KCNQ1: variants seen among roughly 807,000 people sequenced by gnomAD.
KCNQ1 encodes the protein potassium voltage-gated channel subfamily KQT member 1.
Under a neutral mutation model 72.4 loss-of-function variants are expected in KCNQ1, and 49 were observed. That is an observed-to-expected ratio of 0.68 (90% CI 0.54 to 0.86). The LOEUF is 0.86. Ranked by LOEUF, KCNQ1 falls within the 40% of genes least tolerant of loss-of-function variation. The pLI is 0.00. For missense variants in KCNQ1, 790 were observed against 945.1 expected (o/e 0.84, Z 2.15); for synonymous variants, 450 against 412.6 (o/e 1.09, Z -1.10).
At chr11:2,820,045 G>A (rs933858550) in intron 15 of KCNQ1, among the ~76,000 whole-genome samples, 2 of 151,830 alleles carry the variant, frequency 1.3e-5, no homozygotes, top group Non-Finnish European at 1.5e-5. Flanking sequence ...TGGTTTTATT[G>A]GTCAATTCTT....
intron 1 of KCNQ1, among the ~76,000 whole-genome samples, chr11:2,472,627 T>G (rs1367248226): frequency 6.8e-6 from 1 of 148,100 alleles, no homozygotes; most frequent in Non-Finnish European, 1.5e-5. Context: ...ATGCGGGGCT[T>G]TCTGAGTCAC....
At chr11:2,655,218 G>A (rs773678858) in intron 10 of KCNQ1, 41 of 398,614 alleles carry the variant, frequency 1.0e-4, no homozygotes, top group Admixed American at 4.8e-4. Context: ...TGGGGTAGTC[G>A]CCACGCCCGA....
chr11:2,602,847 T>C lies in KCNQ1; in HGVS notation c.1393+13993T>C, dbSNP rs1848826623. On this transcript the variant is annotated intron_variant, in intron 10 of 15. Coordinates refer to ENST00000155840, the MANE Select transcript of KCNQ1 (RefSeq NM_000218.3). The surrounding 1 kb of genome is among the most constrained non-coding windows in gnomAD (Gnocchi z 4.8). ...TCTTAAGTCAGAAACAGGGTGCAAA[T>C]ATTTATTCATTGTAGCTTTCATTGT... 1.3e-5 allele frequency among the ~76,000 whole-genome samples: 2 copies of C among 152,240 alleles called. No individual in the cohort carries two copies. The highest frequency in any genetic ancestry group is 4.1e-4 in the South Asian group (2 of 4,836).
chr11:2,505,114 C>T (rs922568506), intron 1 of KCNQ1, among the ~76,000 whole-genome samples: 6 of 151,396 alleles, frequency 4.0e-5, no homozygotes, highest in South Asian at 2.1e-4. Context: ...AGGTTTGTTA[C>T]GTAGGTAAAT....
chr11:2,611,627 G>T lies in KCNQ1; in HGVS notation c.1393+22773G>T. On this transcript the variant is annotated intron_variant, in intron 10 of 15. Coordinates refer to ENST00000155840, the MANE Select transcript of KCNQ1 (RefSeq NM_000218.3). This position sits in a 1 kb window ranked among gnomAD's most constrained non-coding sequence, Gnocchi z 5.3. ...TTGAATCTAGAATGTGACTCTTATA[G>T]ACCATATATATTTGGATCCTGCTTT... The T allele has an allele frequency of 2.5e-6, 1 of 398,392 alleles. No individual in the cohort carries two copies. Among genetic ancestry groups the T allele is most frequent in the South Asian group, 1.3e-4 (1 of 7,794 alleles). The allele number at this position is 398,392 out of a possible 1,614,324, so 24.7% of individuals were successfully genotyped here.
rs1848262777 is a variant in KCNQ1 at position 2,567,350 on chromosome 11, G to A, written c.478-3278G>A. ...GTCTGGACTGCTGGAACCAGGGGGAGGCAGGCCTGCCATTCTGTGAGCCTG... is the reference window on the plus strand; with the variant it reads ...GTCTGGACTGCTGGAACCAGGGGGAAGCAGGCCTGCCATTCTGTGAGCCTG... On this transcript the variant is annotated intron_variant, in intron 2 of 15. Coordinates refer to ENST00000155840, the MANE Select transcript of KCNQ1 (RefSeq NM_000218.3). The surrounding 1 kb of genome is among the most constrained non-coding windows in gnomAD (Gnocchi z 6.6). 6.6e-6 allele frequency among the ~76,000 whole-genome samples: 1 copy of A among 152,174 alleles called. No homozygotes were observed.
chr11:2,775,967 G>A lies in KCNQ1; in HGVS notation c.1598G>A (p.Arg533Gln), dbSNP rs574321120. 17 of 1,560,730 alleles carry A rather than the reference G, an allele frequency of 1.1e-5. No individual in the cohort carries two copies. Among genetic ancestry groups the A allele is most frequent in the African/African-American group, 4.1e-5 (3 of 73,974 alleles). ...FVAKKKFQQA[R>Q]KPYDVRDVIE... ...TGTCTTTTTGTCCCGCAGCAAGCGC[G>A]GAAGCCTTACGATGTGCGGGACGTC... Residue 533 changes from arginine to glutamine, a missense_variant, in exon 13 of 16, where the codon CGG (arginine) becomes CAG (glutamine). Transcript: ENST00000155840.
At position 2,671,915 on chromosome 11, in the gene KCNQ1, A is replaced by G. The variant is rs1036868959; in HGVS notation, c.1514+9834A>G. 1.0e-5 allele frequency: 4 copies of G among 398,690 alleles called. No homozygotes were observed. 24.7% of individuals were successfully genotyped at this position (398,690 alleles called of 1,614,324 possible). A position where few individuals can be genotyped will look rare whatever the true frequency, so the allele number is the denominator to read the frequency against. On this transcript the variant is annotated intron_variant, in intron 11 of 15. Transcript: ENST00000155840. The surrounding 1 kb of genome is among the most constrained non-coding windows in gnomAD (Gnocchi z 4.7). ...AGGCAGCCAGCCTGTGGGCCCCGCT[A>G]TGCTTCCTCAGGCAGCTAGTCTCTG...
At chr11:2,629,016 G>C (rs994672958) in intron 10 of KCNQ1, 3 of 398,052 alleles carry the variant, frequency 7.5e-6, no homozygotes, top group African/African-American at 6.2e-5. Flanking sequence ...TTCAAAATAA[G>C]CATGTGTAAT....
At position 2,815,646 on chromosome 11, in the gene KCNQ1, G is replaced by T. The variant is rs928496010; in HGVS notation, c.1795-32121G>T. Among the ~76,000 whole-genome samples, 1 of 152,054 alleles carries T rather than the reference G, an allele frequency of 6.6e-6. No individual in the cohort carries two copies. The highest frequency in any genetic ancestry group is 1.5e-5 in the Non-Finnish European group (1 of 67,992). The stretch of plus-strand genomic sequence containing the variant: ...GAGTTGCAGGGGGGCAGGCACCATC[G>T]CCCCCAGCCCCAGGCTGACCCCAGT... On this transcript the variant is annotated intron_variant, in intron 15 of 15. Coordinates refer to ENST00000155840, the MANE Select transcript of KCNQ1 (RefSeq NM_000218.3). The surrounding 1 kb of genome is among the most constrained non-coding windows in gnomAD (Gnocchi z 5.4).
chr11:2,733,492 C>T (rs1218460091), intron 11 of KCNQ1, among the ~76,000 whole-genome samples: 1 of 152,104 alleles, frequency 6.6e-6, no homozygotes, highest in African/African-American at 2.4e-5. Flanking sequence ...TAGGTGGTAC[C>T]CCTAGTGAGG....
rs1275814348 is a variant in KCNQ1, at chr11:2,658,460, G to GC, written c.1394-3495dup. On this transcript the variant is annotated intron_variant, in intron 10 of 15. Coordinates refer to ENST00000155840, the MANE Select transcript of KCNQ1 (RefSeq NM_000218.3). The surrounding 1 kb of genome is among the most constrained non-coding windows in gnomAD (Gnocchi z 4.9). ...GTGGGTTCATGTGTCCTTTTGATGT[G>GC]CCCCCCGCCATCCTTTTCATTTATT... The GC allele has an allele frequency of 2.0e-5, 8 of 398,196 alleles. No individual in the cohort carries two copies. The highest frequency in any genetic ancestry group is 1.3e-4 in the South Asian group (1 of 7,840). 24.7% of individuals were successfully genotyped at this position (398,196 alleles called of 1,614,324 possible).
At chr11:2,758,415 G>C (rs919877880) in intron 11 of KCNQ1, among the ~76,000 whole-genome samples, 1 of 152,194 alleles carries the variant, frequency 6.6e-6, no homozygotes, top group Non-Finnish European at 1.5e-5. Context: ...AAATGTTGGC[G>C]AGGATGTGGA....
chr11:2,780,822 G>A (rs190734093), intron 15 of KCNQ1, among the ~76,000 whole-genome samples: 2 of 152,340 alleles, frequency 1.3e-5, no homozygotes, highest in Admixed American at 6.5e-5. Context: ...ATTGGAGAGA[G>A]GGGTCTGGGG....
At chr11:2,646,132 T>C (rs1035890822) in intron 10 of KCNQ1, 9 of 398,524 alleles carry the variant, frequency 2.3e-5, no homozygotes, top group Non-Finnish European at 3.5e-5. Context: ...TTATTACTTC[T>C]CAGTTGAATT....
rs1339427250 is a variant in KCNQ1, at chr11:2,746,798, C to G, written c.1515-22046C>G. ...TCCCCCTTTGCAGACTGTCCTTGGA[C>G]CCGCCAGCATTTGGCTCTGGGGCCC... On this transcript the variant is annotated intron_variant, in intron 11 of 15. Coordinates refer to ENST00000155840, the MANE Select transcript of KCNQ1 (RefSeq NM_000218.3). This position sits in a 1 kb window ranked among gnomAD's most constrained non-coding sequence, Gnocchi z 5.9. Among the ~76,000 whole-genome samples, 2 of 152,224 alleles carry G rather than the reference C, an allele frequency of 1.3e-5. No homozygotes were observed. Among genetic ancestry groups the G allele is most frequent in the Non-Finnish European group, 2.9e-5 (2 of 68,036 alleles).
chr11:2,720,460 G>A lies in KCNQ1; in HGVS notation c.1515-48384G>A, dbSNP rs981487431. ...GCTGCTGGCCTCAAGAAGGCCTCTCGAAGCAGAGGCAGCCCCCTCGAAGCT... is the reference window on the plus strand; with the variant it reads ...GCTGCTGGCCTCAAGAAGGCCTCTCAAAGCAGAGGCAGCCCCCTCGAAGCT... On this transcript the variant is annotated intron_variant, in intron 11 of 15. Coordinates refer to ENST00000155840, the MANE Select transcript of KCNQ1 (RefSeq NM_000218.3). The surrounding 1 kb of genome is among the most constrained non-coding windows in gnomAD (Gnocchi z 5.1). Among the ~76,000 whole-genome samples the A allele has an allele frequency of 5.9e-5, 9 of 152,172 alleles. No individual in the cohort carries two copies. Among genetic ancestry groups the A allele is most frequent in the Non-Finnish European group, 1.2e-4 (8 of 68,024 alleles).
chr11:2,484,592 G>A lies in KCNQ1; in HGVS notation c.386+39108G>A, dbSNP rs1345778803. Among the ~76,000 whole-genome samples the A allele has an allele frequency of 4.6e-5, 7 of 152,310 alleles. No homozygotes were observed. Among genetic ancestry groups the A allele is most frequent in the East Asian group, 1.9e-4 (1 of 5,188 alleles). ...CACTGCCTTCCTGGCACCCCAAGATGCTCTGGGCTCAGCTTGTATTTCCTT... is the reference window on the plus strand; with the variant it reads ...CACTGCCTTCCTGGCACCCCAAGATACTCTGGGCTCAGCTTGTATTTCCTT... On this transcript the variant is annotated intron_variant, in intron 1 of 15. Coordinates refer to ENST00000155840, the MANE Select transcript of KCNQ1 (RefSeq NM_000218.3). This position sits in a 1 kb window ranked among gnomAD's most constrained non-coding sequence, Gnocchi z 5.2.
In KCNQ1 at chr11:2,775,989, C is replaced by T; in HGVS notation, c.1620C>T (p.Asp540=). The T allele has an allele frequency of 2.5e-6, 4 of 1,570,040 alleles. No homozygotes were observed. In the South Asian group the frequency reaches 3.5e-5, roughly 14 times the overall value. ...QQARKPYDVR[D]VIEQYSQGHL... Reference sequence around the variant, plus strand: ...CGCGGAAGCCTTACGATGTGCGGGACGTCATTGAGCAGTACTCGCAGGGCC... The same window carrying T: ...CGCGGAAGCCTTACGATGTGCGGGATGTCATTGAGCAGTACTCGCAGGGCC... Residue 540 remains aspartate, a synonymous_variant, in exon 13 of 16, where the codon GAC becomes GAT. Coordinates refer to ENST00000155840, the MANE Select transcript of KCNQ1 (RefSeq NM_000218.3).
Sources: allele counts gnomAD v4.1 joint callset (sites outside exome capture counted in the v4.1 genomes callset), GRCh38; gene constraint gnomAD v4.1.1; non-coding constraint Gnocchi (gnomAD v3.1); transcripts MANE v1.5; gene names NCBI Gene and HGNC (gene_info 2026-07-23, HGNC 2026-07-21).